Variants in ITGAX observed in about 807,000 individuals in gnomAD.
ITGAX encodes the protein integrin alpha-X.
Under a neutral mutation model 140.2 loss-of-function variants are expected in ITGAX, and 99 were observed. That is an observed-to-expected ratio of 0.71 (90% CI 0.60 to 0.83). The LOEUF is 0.83. ITGAX is among the 40% of genes least tolerant of loss of function. ITGAX has a pLI of 0.00. For synonymous variants in ITGAX, 631 were observed against 600.4 expected (o/e 1.05, Z -0.75); for missense variants, 1,444 against 1,482.0 (o/e 0.97, Z 0.42).
chr16:31,361,119 G>A lies in ITGAX; in HGVS notation c.918G>A (p.Ser306=), dbSNP rs1222228671. 6 of 1,613,388 alleles carry A rather than the reference G, an allele frequency of 3.7e-6. No homozygotes were observed. Among genetic ancestry groups the A allele is most frequent in the Non-Finnish European group, 4.2e-6 (5 of 1,179,738 alleles). ...NSWKELNDIA[S]KPSQEHIFKV... is the part of the protein sequence containing the mutation. The stretch of plus-strand genomic sequence containing the variant: ...GGAAAGAATTAAATGACATTGCATC[G>A]AAGCCCTCCCAGGAACACATATTTA... Residue 306 remains serine, a synonymous_variant, in exon 9 of 30, where the codon TCG becomes TCA. Transcript: ENST00000268296.
rs2142535218 is a variant in ITGAX, at chr16:31,381,865, A to T, written c.3450A>T (p.Pro1150=). ...AGGAGGCAAATGGACAAATTGCCCC[A>T]GAAAACGGGACACAGACCCCCAGCC... ...MMEEANGQIA[P]ENGTQTPSPP... is the part of the protein sequence containing the mutation. Residue 1150 remains proline, a synonymous_variant, in exon 30 of 30, where the codon CCA becomes CCT. Coordinates refer to ENST00000268296, the MANE Select transcript of ITGAX (RefSeq NM_000887.5). 2 of 881,070 alleles carry T rather than the reference A, an allele frequency of 2.3e-6. No homozygotes were observed. Among genetic ancestry groups the T allele is most frequent in the South Asian group, 2.6e-5 (2 of 76,716 alleles). The allele number at this position is 881,070 out of a possible 1,614,324, so 54.6% of individuals were successfully genotyped here.
chr16:31,382,054 C>T lies in ITGAX; in HGVS notation c.*147C>T. ...CCTGTCTTTGGGAGAAAACGTCTTG[C>T]TTGGGAAGGGGCCTTTGTCTTGTCA... On this transcript the variant is annotated 3_prime_UTR_variant, in exon 30 of 30. Transcript: ENST00000268296. 1.4e-6 allele frequency: 2 copies of T among 1,441,506 alleles called. No individual in the cohort carries two copies. The highest frequency in any genetic ancestry group is 1.8e-6 in the Non-Finnish European group (2 of 1,102,534). 89.3% of individuals were successfully genotyped at this position (1,441,506 alleles called of 1,614,324 possible).
At chr16:31,373,178 C>T in intron 19 of ITGAX, 71 bp from the exon 20 acceptor site, 1 of 1,128,986 alleles carries the variant, frequency 8.9e-7, no homozygotes, top group African/African-American at 1.6e-5. Context: ...CCCACCCACC[C>T]CATTTTATCC....
At position 31,377,253 on chromosome 16, in the gene ITGAX, C is replaced by T; in HGVS notation, c.2777C>T (p.Thr926Ile). 1.9e-6 allele frequency: 3 copies of T among 1,612,646 alleles called. No homozygotes were observed. Among genetic ancestry groups the T allele is most frequent in the Non-Finnish European group, 1.7e-6 (2 of 1,179,676 alleles). The change falls in exon 23 of 30, where the codon ACT becomes ATT. Residue 926 changes from threonine to isoleucine, a missense_variant. Coordinates refer to ENST00000268296, the MANE Select transcript of ITGAX (RefSeq NM_000887.5). ...LELPVKYAVY[T>I]VVSSHEQFTK... ...CTCCCGGTGAAGTATGCTGTCTACA[C>T]TGTGGTTAGCAGGTCAGCAGGTACC...
Position 31,377,039 on chromosome 16 carries a change from G to T in ITGAX, c.2665G>T (p.Val889Phe). ...LATFDVSPKA[V>F]LGDRLLLTAN... ...TACCTTTGACGTCTCCCCCAAGGCTGTCCTGGGAGACCGGCTGCTTCTGAC... is the reference window on the plus strand; with the variant it reads ...TACCTTTGACGTCTCCCCCAAGGCTTTCCTGGGAGACCGGCTGCTTCTGAC... The change falls in exon 22 of 30, where the codon GTC becomes TTC. Residue 889 changes from valine to phenylalanine, a missense_variant. Val to Phe is a conservative substitution (Grantham distance 50). Coordinates refer to ENST00000268296, the MANE Select transcript of ITGAX (RefSeq NM_000887.5). 1 of 1,614,204 alleles carries T rather than the reference G, an allele frequency of 6.2e-7. No individual in the cohort carries two copies. Among genetic ancestry groups the T allele is most frequent in the Non-Finnish European group, 8.5e-7 (1 of 1,180,034 alleles).
At chr16:31,370,382 G>T (rs933798192) in intron 14 of ITGAX, among the ~76,000 whole-genome samples, 2 of 152,214 alleles carry the variant, frequency 1.3e-5, no homozygotes, top group Non-Finnish European at 2.9e-5. Flanking sequence ...GGGAGGCAGT[G>T]CCTGGGAGGG....
At position 31,372,673 on chromosome 16, in the gene ITGAX, G is replaced by A. The variant is rs1163290242; in HGVS notation, c.2366+3G>A. On this transcript the variant is annotated splice_donor_region_variant and intron_variant, in intron 19 of 29. Coordinates refer to ENST00000268296, the MANE Select transcript of ITGAX (RefSeq NM_000887.5). ...GGCATCTCCTTCAGCTTCCCAGGGT[G>A]AGCGCCCCCACCTTAGACCTGCCCT... 2.4e-5 allele frequency: 38 copies of A among 1,613,562 alleles called. No individual in the cohort carries two copies. The highest frequency in any genetic ancestry group is 3.1e-5 in the Non-Finnish European group (36 of 1,179,742).
At chr16:31,372,174 G>A (rs555027901) in intron 17 of ITGAX, among the ~76,000 whole-genome samples, 2 of 151,352 alleles carry the variant, frequency 1.3e-5, no homozygotes, top group Admixed American at 6.6e-5. Flanking sequence ...CTGGGGGGGG[G>A]GAGGAAAAAA....
chr16:31,379,618 A>G lies in ITGAX; in HGVS notation c.2840A>G (p.Glu947Gly), dbSNP rs1374916622. The change falls in exon 24 of 30, where the codon GAA (glutamate) becomes GGA (glycine). Residue 947 changes from glutamate to glycine, a missense_variant. Glu to Gly is a moderately conservative substitution (Grantham distance 98). Coordinates refer to ENST00000268296, the MANE Select transcript of ITGAX (RefSeq NM_000887.5). ...AACTTCTCAGAGTCTGAGGAGAAGG[A>G]AAGCCATGTGGCCATGCACAGATAC... The part of the protein sequence containing the change: ...YLNFSESEEK[E>G]SHVAMHRYQV... The G allele has an allele frequency of 1.3e-5, 20 of 1,563,548 alleles. No homozygotes were observed. Among genetic ancestry groups the G allele is most frequent in the Non-Finnish European group, 1.7e-5 (20 of 1,152,764 alleles).
At chr16:31,356,895 G>A in intron 3 of ITGAX, 136 bp from the exon 4 acceptor site, 2 of 867,928 alleles carry the variant, frequency 2.3e-6, no homozygotes, top group East Asian at 2.6e-5. Context: ...TCGCACTCCC[G>A]CAGCTCTGTC....
At position 31,371,610 on chromosome 16, in the gene ITGAX, G is replaced by A. The variant is rs368971165; in HGVS notation, c.2006-20G>A. 1.4e-5 allele frequency: 22 copies of A among 1,613,448 alleles called. No individual in the cohort carries two copies. Among genetic ancestry groups the A allele is most frequent in the African/African-American group, 1.2e-4 (9 of 74,866 alleles). On this transcript the variant is annotated intron_variant, in intron 16 of 29. Coordinates refer to ENST00000268296, the MANE Select transcript of ITGAX (RefSeq NM_000887.5). ...CCCAAGGAGTTCCTGTCTCAACGCC[G>A]TCCCTGCGACCGCCTACAGGTGACC...
Position 31,380,281 on chromosome 16 carries a change from G to A in ITGAX, c.3076G>A (p.Gly1026Ser). 6.2e-7 allele frequency: 1 copy of A among 1,614,094 alleles called. No homozygotes were observed. The highest frequency in any genetic ancestry group is 8.5e-7 in the Non-Finnish European group (1 of 1,179,998). The change falls in exon 27 of 30, where the codon GGC becomes AGC. Residue 1026 changes from glycine (G) to serine (S), a missense_variant. Coordinates refer to ENST00000268296, the MANE Select transcript of ITGAX (RefSeq NM_000887.5). ...CTGCCCCCAGGACTGCTCCATTGCT[G>A]GCTGCCTGCGGTTCCGCTGTGACGT... is the stretch of plus-strand genomic sequence containing the variant. ...KNPVLDCSIA[G>S]CLRFRCDVPS...
chr16:31,376,676 C>T, intron 20 of ITGAX, 123 bp from the exon 21 acceptor site: 1 of 850,478 alleles, frequency 1.2e-6, no homozygotes, highest in Non-Finnish European at 1.9e-6. Flanking sequence ...CTCCAGGAAG[C>T]TTTATCACTA....
chr16:31,380,795 G>A (rs2081062197), intron 28 of ITGAX, 102 bp from the exon 29 acceptor site: 1 of 1,285,658 alleles, frequency 7.8e-7, no homozygotes. Flanking sequence ...CTTGGAGCAG[G>A]GCCTGGGGAA....
At chr16:31,356,893 C>T (rs2080766679) in intron 3 of ITGAX, 138 bp from the exon 4 acceptor site, 2 of 861,538 alleles carry the variant, frequency 2.3e-6, no homozygotes, top group African/African-American at 1.7e-5. Context: ...CATCGCACTC[C>T]CGCAGCTCTG....
chr16:31,356,060 G>A (rs2080756900), intron 2 of ITGAX, 62 bp downstream of exon 2: 8 of 1,181,880 alleles, frequency 6.8e-6, no homozygotes, highest in Middle Eastern at 1.9e-4. Context: ...AGGGCCCCAT[G>A]CCCCCGGCCC....
chr16:31,379,729 G>A (rs778265390), intron 24 of ITGAX, 28 bp from the exon 25 acceptor site: 1 of 1,607,462 alleles, frequency 6.2e-7, no homozygotes, highest in East Asian at 2.2e-5. Flanking sequence ...CTTTGGCGTG[G>A]GCTCTGCCCT....
Position 31,382,076 on chromosome 16 carries a change from G to C in ITGAX, c.*169G>C. On this transcript the variant is annotated 3_prime_UTR_variant, in exon 30 of 30. Transcript: ENST00000268296. ...TTGCTTGGGAAGGGGCCTTTGTCTTGTCAAGGTTCCAACTGGAAACCCTTA... is the reference window on the plus strand; with the variant it reads ...TTGCTTGGGAAGGGGCCTTTGTCTTCTCAAGGTTCCAACTGGAAACCCTTA... 7.0e-7 allele frequency: 1 copy of C among 1,435,126 alleles called. No individual in the cohort carries two copies. Among genetic ancestry groups the C allele is most frequent in the Non-Finnish European group, 9.1e-7 (1 of 1,100,158 alleles). The allele number at this position is 1,435,126 out of a possible 1,614,324, so 88.9% of individuals were successfully genotyped here. A position where few individuals can be genotyped will look rare whatever the true frequency, so the allele number is the denominator to read the frequency against.
In ITGAX at chr16:31,363,387, C is replaced by A; in HGVS notation, c.1710+13C>A. 2 of 1,612,028 alleles carry A rather than the reference C, an allele frequency of 1.2e-6. No individual in the cohort carries two copies. The highest frequency in any genetic ancestry group is 1.7e-6 in the Non-Finnish European group (2 of 1,178,040). ...CTCCCACAGCCAGGTGAGGCCGTGTCCCATTTCTGTCACTAGAGCAGCCTG... is the reference window on the plus strand; with the variant it reads ...CTCCCACAGCCAGGTGAGGCCGTGTACCATTTCTGTCACTAGAGCAGCCTG... On this transcript the variant is annotated intron_variant, in intron 14 of 29. Transcript: ENST00000268296.
Sources: allele counts gnomAD v4.1 joint callset (sites outside exome capture counted in the v4.1 genomes callset), GRCh38; gene constraint gnomAD v4.1.1; transcripts MANE v1.5; gene names NCBI Gene and HGNC (gene_info 2026-07-23, HGNC 2026-07-21).